HEATR4: variants seen among roughly 807,000 people sequenced by gnomAD.
HEATR4 encodes HEAT repeat-containing protein 4.
A neutral mutation model predicts 108.8 loss-of-function variants in HEATR4; 95 were observed. The ratio of observed to expected loss-of-function variants is 0.87; its 90% confidence interval spans 0.74 to 1.04. HEATR4 has a LOEUF of 1.04. HEATR4 is among the 50% of genes least tolerant of loss of function. The pLI is 0.00. For missense variants in HEATR4, 1,152 were observed against 1,253.8 expected (o/e 0.92, Z 1.23); for synonymous variants, 443 against 459.4 (o/e 0.96, Z 0.46).
At chr14:73,540,229 C>T (rs982193720) in intron 1 of HEATR4, among the ~76,000 whole-genome samples, 3 of 151,292 alleles carry the variant, frequency 2.0e-5, no homozygotes, top group Non-Finnish European at 3.0e-5. Context: ...TGTACATGTG[C>T]ACCAGGAGGC....
At position 73,509,464 on chromosome 14, in the gene HEATR4, A is replaced by G. The variant is rs1243165018; in HGVS notation, c.1568T>C (p.Ile523Thr). 2 of 1,613,874 alleles carry G rather than the reference A, an allele frequency of 1.2e-6. No individual in the cohort carries two copies. The highest frequency in any genetic ancestry group is 2.2e-5 in the East Asian group (1 of 44,876). ...CAGTAGAACCTCCGGCAAGTCCTGG[A>G]TGGTCTTGTCTGTGATCAAAAGAGC... ...ATSQRDSDKT[I>T]QDLPEVLLPA... is the part of the protein sequence containing the mutation. Residue 523 changes from isoleucine to threonine, a missense_variant, in exon 8 of 18, where the codon ATC becomes ACC. Physicochemically the swap from Ile to Thr is moderately conservative, Grantham distance 89 (BLOSUM62 -1). Transcript: ENST00000553558.
Position 73,522,355 on chromosome 14 carries a change from C to G in HEATR4, c.798G>C (p.Glu266Asp). ...CACTTTGATCCTCAAACTCTGCTGT[C>G]TCTTCTGCCTCCAGCTGTTTCAGGA... ...LELLKQLEAE[E>D]TAEFEDQSVI... Residue 266 changes from glutamate (E) to aspartate (D), a missense_variant, in exon 3 of 18, where the codon GAG (glutamate) becomes GAC (aspartate). Glu to Asp is a conservative substitution (Grantham distance 45). Transcript: ENST00000553558. 1 of 1,614,278 alleles carries G rather than the reference C, an allele frequency of 6.2e-7. No homozygotes were observed.
the HEATR4 span, among the ~76,000 whole-genome samples, chr14:73,605,110 A>C: frequency 6.6e-6 from 1 of 152,088 alleles, no homozygotes; most frequent in African/African-American, 2.4e-5. Context: ...AAAAAAAAAA[A>C]ACCTTTTTCC....
the HEATR4 span, chr14:73,573,255 T>C: frequency 6.2e-5 from 83 of 1,345,668 alleles, 1 homozygote; most frequent in Non-Finnish European, 6.2e-5. Context: ...ACGAACAGGT[T>C]TTCATTTCTC....
chr14:73,574,795 G>A, the HEATR4 span: 5 of 1,565,436 alleles, frequency 3.2e-6, no homozygotes, highest in Middle Eastern at 2.2e-4. Context: ...CTGGGTAAAT[G>A]GTAGAACCTA....
the HEATR4 span, among the ~76,000 whole-genome samples, chr14:73,614,026 CAAAAAAAAAA>C: frequency 1.1e-5 from 1 of 92,992 alleles, no homozygotes; most frequent in Non-Finnish European, 2.1e-5. Flanking sequence ...TCTGTCTCTA[CAAAAAAAAAA>C]AAAAAAAAAA....
the HEATR4 span, chr14:73,591,877 G>A: frequency 7.8e-7 from 1 of 1,282,600 alleles, no homozygotes; most frequent in Non-Finnish European, 1.0e-6. Context: ...GACGCCGGAC[G>A]CCGTCCGGAC....
the HEATR4 span, among the ~76,000 whole-genome samples, chr14:73,576,269 T>G: frequency 6.6e-6 from 1 of 152,006 alleles, no homozygotes; most frequent in Non-Finnish European, 1.5e-5. Context: ...AGAATGGAAG[T>G]TAACATCTTG....
chr14:73,541,095 T>G (rs1889071959), intron 1 of HEATR4, among the ~76,000 whole-genome samples: 1 of 114,152 alleles, frequency 8.8e-6, no homozygotes, highest in African/African-American at 2.9e-5. Context: ...ATGTAAATGA[T>G]AAAAATATTC....
chr14:73,569,035 T>G, the HEATR4 span: 1 of 644,996 alleles, frequency 1.6e-6, no homozygotes. Flanking sequence ...GTCCAGCCCA[T>G]TCCGCAGGCC....
chr14:73,604,276 T>C, the HEATR4 span, among the ~76,000 whole-genome samples: 1 of 150,510 alleles, frequency 6.6e-6, no homozygotes, highest in Non-Finnish European at 1.5e-5. Flanking sequence ...GCAATTCTCC[T>C]GCCTCAGCCT....
chr14:73,628,728 G>T, the HEATR4 span, among the ~76,000 whole-genome samples: 1 of 151,098 alleles, frequency 6.6e-6, no homozygotes, highest in African/African-American at 2.4e-5. Flanking sequence ...ACTGCAGCCT[G>T]GGCAACAAGA....
intron 17 of HEATR4, among the ~76,000 whole-genome samples, chr14:73,490,569 C>G (rs1470868579): frequency 6.6e-6 from 1 of 152,226 alleles, no homozygotes; most frequent in East Asian, 1.9e-4. Context: ...GATCCGCCCG[C>G]CTCGGCCTCC....
intron 2 of HEATR4, among the ~76,000 whole-genome samples, chr14:73,524,793 A>C: frequency 6.6e-6 from 1 of 151,722 alleles, no homozygotes; most frequent in East Asian, 1.9e-4. Context: ...CTTATGTGTA[A>C]GGATGAAGGA....
At chr14:73,550,057 CA>C (rs1381158052) in intron 1 of HEATR4, among the ~76,000 whole-genome samples, 1 of 108,954 alleles carries the variant, frequency 9.2e-6, no homozygotes, top group Non-Finnish European at 1.9e-5. Context: ...CTCTCTGACC[CA>C]CTTGCTCAGA....
In HEATR4 at chr14:73,493,289, C is replaced by G. The variant is rs1324421327; in HGVS notation, c.2786-165G>C. 1.5e-5 allele frequency: 9 copies of G among 596,792 alleles called. No individual in the cohort carries two copies. In the East Asian group the frequency reaches 2.3e-4, roughly 15 times the overall value. The allele number at this position is 596,792 out of a possible 1,614,324, so 37.0% of individuals were successfully genotyped here. A position where few individuals can be genotyped will look rare whatever the true frequency, so the allele number is the denominator to read the frequency against. Reference sequence around the variant, plus strand: ...ATTAGATTTTTTTTGGAATTTGGATCTTTCATCTGAGTTCTTTTTCATGGG... The same window carrying G: ...ATTAGATTTTTTTTGGAATTTGGATGTTTCATCTGAGTTCTTTTTCATGGG... On this transcript the variant is annotated intron_variant, in intron 16 of 17. Transcript: ENST00000553558.
chr14:73,568,633 T>G, the HEATR4 span, among the ~76,000 whole-genome samples: 2 of 151,830 alleles, frequency 1.3e-5, no homozygotes, highest in African/African-American at 4.8e-5. Context: ...AAATAATAAC[T>G]ATTAGCCGGG....
the HEATR4 span, chr14:73,569,290 C>A: frequency 6.2e-7 from 1 of 1,613,906 alleles, no homozygotes; most frequent in Non-Finnish European, 8.5e-7. Context: ...GTTCTCAGGT[C>A]TGAATTCAAA....
At chr14:73,498,950 A>G in intron 13 of HEATR4, 121 bp downstream of exon 13, 1 of 817,722 alleles carries the variant, frequency 1.2e-6, no homozygotes, top group East Asian at 2.5e-5. Context: ...GAACTTCTGA[A>G]AAGCTAAGAT....
Sources: gnomAD v4.1 joint callset for allele counts (sites outside exome capture counted in the v4.1 genomes callset) on GRCh38, gnomAD v4.1.1 for gene constraint, MANE v1.5 for transcripts, NCBI Gene and HGNC (gene_info 2026-07-23, HGNC 2026-07-21) for gene names.